The following FLYWCH2 variants were observed in gnomAD, a reference collection of about 807,000 sequenced individuals.
The protein encoded by FLYWCH2 is FLYWCH family member 2.
Under a neutral mutation model 6.0 loss-of-function variants are expected in FLYWCH2, and 2 were observed. The observed-to-expected ratio is 0.33, with a 90% confidence interval of 0.14 to 1.04. The LOEUF (loss-of-function observed/expected upper bound fraction) is 1.04, where lower values mean the gene tolerates loss of function less well. Among genes scored for constraint, FLYWCH2 ranks in the 50% least tolerant of loss-of-function variants. FLYWCH2 has a pLI of 0.45. For missense variants in FLYWCH2, 192 were observed against 183.4 expected, an observed-to-expected ratio of 1.05 and a Z score of -0.27; for synonymous variants, 87 against 79.3, an observed-to-expected ratio of 1.10 and a Z score of -0.52.
chr16:2,884,712 T>A (rs890716084), intron 1 of FLYWCH2, among the ~76,000 whole-genome samples: 2 of 150,720 alleles, frequency 1.3e-5, no homozygotes, highest in African/African-American at 2.4e-5. Flanking sequence ...CCGTCTCAAC[T>A]AAAAATACAA....
chr16:2,893,706 C>G (rs890256420), intron 1 of FLYWCH2, among the ~76,000 whole-genome samples: 1 of 146,014 alleles, frequency 6.8e-6, no homozygotes, highest in African/African-American at 2.5e-5. Flanking sequence ...GGCACGATCT[C>G]GGCTCACTGC....
chr16:2,887,487 G>A (rs1349987889), intron 1 of FLYWCH2, among the ~76,000 whole-genome samples: 2 of 151,528 alleles, frequency 1.3e-5, no homozygotes, highest in Non-Finnish European at 2.9e-5. Flanking sequence ...GTTAATTTTT[G>A]TATATGCTGT....
intron 3 of FLYWCH2, 46 bp downstream of exon 3, chr16:2,896,817 G>C: frequency 6.4e-7 from 1 of 1,557,860 alleles, no homozygotes; most frequent in Middle Eastern, 1.8e-4. Flanking sequence ...CACCTCCCAG[G>C]GTGGCCCCCA....
chr16:2,891,391 CTATTT>C (rs1019146055), intron 1 of FLYWCH2, among the ~76,000 whole-genome samples: 1 of 152,122 alleles, frequency 6.6e-6, no homozygotes, highest in African/African-American at 2.4e-5. Flanking sequence ...CTCTCTCTCT[CTATTT>C]TATTTTTATT....
intron 1 of FLYWCH2, among the ~76,000 whole-genome samples, chr16:2,895,004 GC>G (rs1209189126): frequency 2.0e-5 from 3 of 152,234 alleles, no homozygotes; most frequent in African/African-American, 4.8e-5. Flanking sequence ...TGGACAGGGG[GC>G]TAGGTGGCTG....
chr16:2,893,639 T>C (rs867649831), intron 1 of FLYWCH2, among the ~76,000 whole-genome samples: 13,753 of 138,572 alleles, frequency 0.099, 587 homozygotes, highest in African/African-American at 0.14. Context: ...TTCTTCTTTT[T>C]TTTTTTTTTT....
At chr16:2,893,634 CTTTTTTTT>C (rs35147234) in intron 1 of FLYWCH2, among the ~76,000 whole-genome samples, 2,076 of 111,962 alleles carry the variant, frequency 0.019, 19 homozygotes, top group Non-Finnish European at 0.027. Flanking sequence ...TTCTTTTCTT[CTTTTTTTT>C]TTTTTTTTTT....
intron 1 of FLYWCH2, among the ~76,000 whole-genome samples, chr16:2,891,424 A>G (rs917052782): frequency 2.6e-5 from 4 of 151,458 alleles, no homozygotes; most frequent in African/African-American, 9.7e-5. Context: ...TTTTTTTTTG[A>G]GATGGAGTCT....
At chr16:2,894,632 C>A (rs977971246) in intron 1 of FLYWCH2, among the ~76,000 whole-genome samples, 1 of 152,208 alleles carries the variant, frequency 6.6e-6, no homozygotes, top group African/African-American at 2.4e-5. Flanking sequence ...ATAACGCGAC[C>A]CCGATCCCTG....
intron 1 of FLYWCH2, among the ~76,000 whole-genome samples, chr16:2,884,558 TAAA>T (rs1317315836): frequency 5.1e-5 from 2 of 39,290 alleles, no homozygotes; most frequent in Non-Finnish European, 9.7e-5. Context: ...CCGTCTCTAC[TAAA>T]AAAAAAAAAA....
At position 2,896,381 on chromosome 16, in the gene FLYWCH2, C is replaced by T; in HGVS notation, c.-69C>T. On this transcript the variant is annotated 5_prime_UTR_variant, in exon 3 of 4. Coordinates refer to ENST00000396958, the MANE Select transcript of FLYWCH2 (RefSeq NM_138439.3). ...GAACCGCTGGACTCCAGGTTCCTTG[C>T]CTGGGAGTAGGAGAAATCCACCTGC... The T allele has an allele frequency of 2.6e-6, 4 of 1,511,250 alleles. No homozygotes were observed. The highest frequency in any genetic ancestry group is 3.5e-6 in the Non-Finnish European group (4 of 1,135,344). The allele number at this position is 1,511,250 out of a possible 1,614,324, so 93.6% of individuals were successfully genotyped here.
intron 1 of FLYWCH2, among the ~76,000 whole-genome samples, chr16:2,892,836 C>A (rs1402305665): frequency 6.8e-6 from 1 of 147,960 alleles, no homozygotes; most frequent in Non-Finnish European, 1.5e-5. Flanking sequence ...GAACCAGATT[C>A]TGTCTCAAAA....
At chr16:2,889,864 C>T (rs529274936) in intron 1 of FLYWCH2, among the ~76,000 whole-genome samples, 2 of 152,222 alleles carry the variant, frequency 1.3e-5, no homozygotes, top group South Asian at 4.1e-4. Context: ...GCAAGCAAAT[C>T]TCTTGAGGTC....
intron 1 of FLYWCH2, among the ~76,000 whole-genome samples, chr16:2,890,183 A>G (rs948704652): frequency 6.7e-6 from 1 of 149,110 alleles, no homozygotes; most frequent in African/African-American, 2.5e-5. Context: ...CTGGGATCTG[A>G]TCCCACATTC....
chr16:2,888,380 G>C (rs2069721699), intron 1 of FLYWCH2, among the ~76,000 whole-genome samples: 1 of 150,230 alleles, frequency 6.7e-6, no homozygotes, highest in Admixed American at 6.7e-5. Context: ...TTTTGAGATA[G>C]AGATGTGTCA....
intron 1 of FLYWCH2, among the ~76,000 whole-genome samples, chr16:2,894,639 C>A (rs542156759): frequency 6.6e-6 from 1 of 152,342 alleles, no homozygotes; most frequent in South Asian, 2.1e-4. Flanking sequence ...GACCCCGATC[C>A]CTGCGGTACT....
At chr16:2,887,898 A>C (rs1192678844) in intron 1 of FLYWCH2, among the ~76,000 whole-genome samples, 1 of 151,942 alleles carries the variant, frequency 6.6e-6, no homozygotes, top group Non-Finnish European at 1.5e-5. Context: ...TTTTCCCTCC[A>C]CAGAACTGTC....
chr16:2,898,358 G>A (rs2067785493), intron 3 of FLYWCH2, among the ~76,000 whole-genome samples: 1 of 152,186 alleles, frequency 6.6e-6, no homozygotes, highest in Non-Finnish European at 1.5e-5. Context: ...ATCCAGTCCT[G>A]CTCTGAGAGC....
intron 1 of FLYWCH2, among the ~76,000 whole-genome samples, chr16:2,893,628 TTTC>T (rs1201260398): frequency 3.5e-5 from 5 of 141,656 alleles, no homozygotes; most frequent in African/African-American, 5.3e-5. Flanking sequence ...GCCCTTTTCT[TTTC>T]TTCTTTTTTT....
Sources: gnomAD v4.1 joint callset for allele counts (sites outside exome capture counted in the v4.1 genomes callset) on GRCh38, gnomAD v4.1.1 for gene constraint, MANE v1.5 for transcripts, NCBI Gene and HGNC (gene_info 2026-07-23, HGNC 2026-07-21) for gene names.